Variants in PRKACB observed in about 807,000 individuals in gnomAD.
PRKACB encodes the protein cAMP-dependent protein kinase catalytic subunit beta.
PRKACB carries 16 observed loss-of-function variants against 51.4 expected under a neutral mutation model. That is an observed-to-expected ratio of 0.31 (90% confidence interval 0.21 to 0.47). The LOEUF is 0.47. Among genes scored for constraint, PRKACB ranks in the 20% least tolerant of loss-of-function variants. The pLI, the probability that PRKACB is intolerant of heterozygous loss-of-function variation, is 1.00. For synonymous variants in PRKACB, 147 were observed against 154.4 expected (o/e 0.95, Z 0.35); for missense variants, 309 against 464.5 (o/e 0.67, Z 3.08).
At position 84,235,609 on chromosome 1, in the gene PRKACB, A is replaced by G. The variant is rs1572630528; in HGVS notation, c.*304A>G. On this transcript the variant is annotated 3_prime_UTR_variant, in exon 10 of 10. Coordinates refer to ENST00000370685, the MANE Select transcript of PRKACB (RefSeq NM_182948.4). The stretch of plus-strand genomic sequence containing the variant: ...TTCCAATTTCATTGGTTTTCTCTAA[A>G]CAGTGCTCCATTTTATTTTGTTGGT... 4.0e-6 allele frequency: 1 copy of G among 249,498 alleles called. No individual in the cohort carries two copies. Among genetic ancestry groups the G allele is most frequent in the East Asian group, 1.0e-4 (1 of 9,844 alleles). The allele number at this position is 249,498 out of a possible 1,614,324, so 15.5% of individuals were successfully genotyped here.
At chr1:84,222,237 A>G (rs892336446) in intron 9 of PRKACB, among the ~76,000 whole-genome samples, 1 of 151,686 alleles carries the variant, frequency 6.6e-6, no homozygotes, top group African/African-American at 2.4e-5. Flanking sequence ...AAATTTAGAT[A>G]CTCCTGCTTG....
At chr1:84,177,973 A>G (rs1013892986) in intron 1 of PRKACB, among the ~76,000 whole-genome samples, 3 of 152,044 alleles carry the variant, frequency 2.0e-5, no homozygotes, top group Admixed American at 1.3e-4. Context: ...AGGACAGTTT[A>G]TAGAAAGTAC....
In PRKACB at chr1:84,218,267, T is replaced by A. The variant is rs1191565286; in HGVS notation, c.1071+3950T>A. ...CTAGAACTTATTCCTTCTGTCTAAC[T>A]GTATGTTTGTTCTCAGTACCTTAGT... On this transcript the variant is annotated intron_variant, in intron 9 of 9. Coordinates refer to ENST00000370685, the MANE Select transcript of PRKACB (RefSeq NM_182948.4). 2.0e-5 allele frequency among the ~76,000 whole-genome samples: 3 copies of A among 152,218 alleles called. No homozygotes were observed. In the East Asian group the frequency reaches 5.8e-4, roughly 29 times the overall value.
intron 1 of PRKACB, among the ~76,000 whole-genome samples, chr1:84,132,724 A>T: frequency 6.6e-6 from 1 of 152,172 alleles, no homozygotes; most frequent in Non-Finnish European, 1.5e-5. Context: ...AAAACACTAT[A>T]ACAGAAATGA....
intron 1 of PRKACB, among the ~76,000 whole-genome samples, chr1:84,154,428 C>T (rs934659071): frequency 6.6e-6 from 1 of 152,004 alleles, no homozygotes; most frequent in South Asian, 2.1e-4. Flanking sequence ...ATCAAAAAAA[C>T]CCCAAACAAA....
At chr1:84,091,710 G>T (rs1047999715) in intron 1 of PRKACB, among the ~76,000 whole-genome samples, 2 of 152,000 alleles carry the variant, frequency 1.3e-5, no homozygotes, top group African/African-American at 4.8e-5. Context: ...TTGCCATGTT[G>T]CCCGGCCTGG....
intron 1 of PRKACB, among the ~76,000 whole-genome samples, chr1:84,145,591 A>G (rs749101362): frequency 6.6e-6 from 1 of 152,074 alleles, no homozygotes; most frequent in East Asian, 1.9e-4. Flanking sequence ...ATTTTTTTAC[A>G]TTCTTCAAAC....
chr1:84,221,112 A>T (rs1472792995), intron 9 of PRKACB, among the ~76,000 whole-genome samples: 2 of 151,984 alleles, frequency 1.3e-5, no homozygotes, highest in Non-Finnish European at 2.9e-5. Context: ...TTTATTACAT[A>T]TTCAATCTGT....
intron 1 of PRKACB, among the ~76,000 whole-genome samples, chr1:84,088,532 A>T (rs1571530232): frequency 6.6e-6 from 1 of 152,294 alleles, no homozygotes; most frequent in Middle Eastern, 3.4e-3. Context: ...ATGTTGGTAT[A>T]GATATTACTT....
intron 5 of PRKACB, among the ~76,000 whole-genome samples, chr1:84,193,228 A>G (rs1667300133): frequency 6.6e-6 from 1 of 152,066 alleles, no homozygotes; most frequent in Admixed American, 6.6e-5. Flanking sequence ...TTTAGTCCAA[A>G]AGAGACTCAC....
intron 1 of PRKACB, among the ~76,000 whole-genome samples, chr1:84,116,872 A>G (rs12728744): frequency 0.029 from 4,403 of 152,248 alleles, 104 homozygotes; most frequent in Non-Finnish European, 0.041. Flanking sequence ...TAGTAGTTAA[A>G]GTGGGCATCC....
chr1:84,119,527 T>C (rs1650888989), intron 1 of PRKACB, among the ~76,000 whole-genome samples: 2 of 152,076 alleles, frequency 1.3e-5, no homozygotes, highest in Non-Finnish European at 2.9e-5. Flanking sequence ...TTCATATAAA[T>C]GAAAACACTC....
chr1:84,166,874 C>T (rs1657656627), intron 1 of PRKACB, among the ~76,000 whole-genome samples: 1 of 151,610 alleles, frequency 6.6e-6, no homozygotes, highest in Non-Finnish European at 1.5e-5. Context: ...AAATCTCATC[C>T]ATGCCTACAT....
chr1:84,087,758 GTCT>G (rs1329231317), intron 1 of PRKACB, among the ~76,000 whole-genome samples: 3 of 152,060 alleles, frequency 2.0e-5, no homozygotes, highest in East Asian at 1.9e-4. Context: ...TATAAGATAA[GTCT>G]TCTTCTTGCT....
intron 1 of PRKACB, among the ~76,000 whole-genome samples, chr1:84,093,899 A>G (rs1375425387): frequency 6.6e-6 from 1 of 151,922 alleles, no homozygotes; most frequent in Non-Finnish European, 1.5e-5. Context: ...TCAAAGTTTT[A>G]TCTTCTAATT....
At chr1:84,112,820 T>TG (rs1650342859) in intron 1 of PRKACB, among the ~76,000 whole-genome samples, 1 of 152,110 alleles carries the variant, frequency 6.6e-6, no homozygotes. Flanking sequence ...CTCTTAGGAT[T>TG]GATAGTTAAA....
chr1:84,125,234 G>C (rs753144522), intron 1 of PRKACB, among the ~76,000 whole-genome samples: 2 of 152,034 alleles, frequency 1.3e-5, no homozygotes, highest in Non-Finnish European at 2.9e-5. Context: ...TCATCTAGGG[G>C]GCTCCCTTAG....
intron 1 of PRKACB, among the ~76,000 whole-genome samples, chr1:84,146,746 A>C (rs1029402859): frequency 3.9e-5 from 6 of 152,030 alleles, no homozygotes; most frequent in African/African-American, 1.4e-4. Flanking sequence ...TTACCAATTT[A>C]GGAGACATGA....
intron 1 of PRKACB, among the ~76,000 whole-genome samples, chr1:84,177,490 T>C (rs920925583): frequency 3.3e-5 from 5 of 152,008 alleles, no homozygotes; most frequent in African/African-American, 1.2e-4. Flanking sequence ...CCTCTAATCC[T>C]AGCACTTTGG....
Sources: gnomAD v4.1 joint callset for allele counts (sites outside exome capture counted in the v4.1 genomes callset) on GRCh38, gnomAD v4.1.1 for gene constraint, MANE v1.5 for transcripts, NCBI Gene and HGNC (gene_info 2026-07-23, HGNC 2026-07-21) for gene names.